Variants in ATR observed in about 807,000 individuals in gnomAD.
The protein encoded by ATR is serine/threonine-protein kinase ATR.
ATR carries 142 observed loss-of-function variants against 305.3 expected under a neutral mutation model. That is an observed-to-expected ratio of 0.47 (90% CI 0.41 to 0.53). The LOEUF (loss-of-function observed/expected upper bound fraction) is 0.53, where lower values mean the gene tolerates loss of function less well. Among genes scored for constraint, ATR ranks in the 20% least tolerant of loss-of-function variants. The pLI, the probability that ATR is intolerant of heterozygous loss-of-function variation, is 0.00. For missense variants in ATR, 2,135 were observed against 3,133.1 expected, an observed-to-expected ratio of 0.68 and a Z score of 7.60; for synonymous variants, 1,050 against 1,068.1, an observed-to-expected ratio of 0.98 and a Z score of 0.33.
chr3:142,452,119 A>C, intron 46 of ATR: 1 of 1,017,650 alleles, frequency 9.8e-7, no homozygotes, highest in Non-Finnish European at 1.2e-6. Flanking sequence ...AGAAGCAGCT[A>C]AACCTTCTTT....
At chr3:142,563,682 T>G (rs1031232155) in intron 3 of ATR, among the ~76,000 whole-genome samples, 3 of 152,136 alleles carry the variant, frequency 2.0e-5, no homozygotes, top group African/African-American at 7.2e-5. Flanking sequence ...TGTGTTCAAA[T>G]GAAAGGAAGA....
chr3:142,550,544 C>T (rs1031514430), intron 13 of ATR, among the ~76,000 whole-genome samples: 1 of 152,040 alleles, frequency 6.6e-6, no homozygotes, highest in African/African-American at 2.4e-5. Context: ...CAAATAAATT[C>T]AGTATTTTAG....
rs113824674 is a variant in ATR at position 142,560,584 on chromosome 3, A to G, written c.1350-130T>C. ...AAAAAATTTTTTTTTTTTGTGAGAC[A>G]GAGTCTCACTCTGTCTCCCAGGCTG... On this transcript the variant is annotated intron_variant, in intron 5 of 46. Coordinates refer to ENST00000350721, the MANE Select transcript of ATR (RefSeq NM_001184.4). 12,589 of 709,988 alleles carry G rather than the reference A, an allele frequency of 0.018. 183 individuals are homozygous for G. The highest frequency in any genetic ancestry group is 0.038 in the South Asian group (1,994 of 52,040). The allele number at this position is 709,988 out of a possible 1,614,324, so 44.0% of individuals were successfully genotyped here.
At chr3:142,452,951 CAATA>C (rs2070824705) in intron 46 of ATR, 173 bp downstream of exon 46, 2 of 1,469,778 alleles carry the variant, frequency 1.4e-6, no homozygotes, top group Non-Finnish European at 1.8e-6. Context: ...ACATTACTGA[CAATA>C]AAGAAAACTT....
chr3:142,514,494 C>A lies in ATR; in HGVS notation c.4504-856G>T, dbSNP rs577087046. Among the ~76,000 whole-genome samples, 189 of 151,034 alleles carry A rather than the reference C, an allele frequency of 1.3e-3. 1 individual carries two copies. The Middle Eastern group carries it at 0.021, about 17-fold the overall frequency. ...AAAAAATACAAAAAAATTAGCCGGG[C>A]GTGGTGGTGGGCACCTGTAATCCCA... On this transcript the variant is annotated intron_variant, in intron 25 of 46. Coordinates refer to ENST00000350721, the MANE Select transcript of ATR (RefSeq NM_001184.4).
chr3:142,561,488 G>C, intron 4 of ATR, 67 bp from the exon 5 acceptor site: 1 of 1,470,066 alleles, frequency 6.8e-7, no homozygotes, highest in Admixed American at 2.0e-5. Flanking sequence ...TTCATAGGCA[G>C]CAAGAATGTA....
intron 28 of ATR, among the ~76,000 whole-genome samples, chr3:142,506,924 T>C (rs1383246733): frequency 6.6e-6 from 1 of 152,160 alleles, no homozygotes; most frequent in Non-Finnish European, 1.5e-5. Context: ...TTTGAGATCA[T>C]GAACTTAAAC....
At chr3:142,457,943 A>C in intron 44 of ATR, 188 bp from the exon 45 acceptor site, 3 of 650,330 alleles carry the variant, frequency 4.6e-6, no homozygotes, top group Non-Finnish European at 7.8e-6. Flanking sequence ...TACAGAACTG[A>C]AACCATACTT....
intron 36 of ATR, among the ~76,000 whole-genome samples, chr3:142,481,447 G>A (rs775540013): frequency 5.1e-4 from 77 of 152,132 alleles, no homozygotes; most frequent in Non-Finnish European, 9.3e-4. Context: ...GTTGAATTTG[G>A]ATTACTAGTA....
intron 45 of ATR, among the ~76,000 whole-genome samples, chr3:142,455,209 A>C (rs921231330): frequency 1.1e-4 from 17 of 152,230 alleles, no homozygotes; most frequent in African/African-American, 4.1e-4. Context: ...CAATTTTTAA[A>C]AGTTAAATAT....
intron 45 of ATR, among the ~76,000 whole-genome samples, chr3:142,455,584 C>G (rs148015821): frequency 2.0e-5 from 3 of 152,182 alleles, no homozygotes; most frequent in Non-Finnish European, 4.4e-5. Flanking sequence ...CAGAATATTG[C>G]TGAAAATCAA....
chr3:142,464,608 G>A (rs2071087820), intron 41 of ATR, among the ~76,000 whole-genome samples: 2 of 152,176 alleles, frequency 1.3e-5, no homozygotes, highest in Non-Finnish European at 1.5e-5. Flanking sequence ...AATGCCAAGT[G>A]ATTTAAGCCA....
In ATR at chr3:142,531,192, G is replaced by C. The variant is rs530453580; in HGVS notation, c.3945+3888C>G. On this transcript the variant is annotated intron_variant, in intron 21 of 46. Coordinates refer to ENST00000350721, the MANE Select transcript of ATR (RefSeq NM_001184.4). Reference sequence around the variant, plus strand: ...GGGGCTACACAGAAATTCAGATGTAGGCATCCACCATTATCCTAAGACAAC... The same window carrying C: ...GGGGCTACACAGAAATTCAGATGTACGCATCCACCATTATCCTAAGACAAC... Among the ~76,000 whole-genome samples, 7 of 152,172 alleles carry C rather than the reference G, an allele frequency of 4.6e-5. No individual in the cohort carries two copies. In the South Asian group the frequency reaches 1.5e-3, roughly 32 times the overall value.
intron 32 of ATR, among the ~76,000 whole-genome samples, chr3:142,497,869 G>C (rs2031736660): frequency 6.6e-6 from 1 of 152,078 alleles, no homozygotes. Context: ...TTCTAAGAGT[G>C]ATGGAAACTT....
Position 142,496,518 on chromosome 3 carries a change from G to C in ATR, c.5741C>G (p.Pro1914Arg). 1 of 1,608,116 alleles carries C rather than the reference G, an allele frequency of 6.2e-7. No homozygotes were observed. The highest frequency in any genetic ancestry group is 8.5e-7 in the Non-Finnish European group (1 of 1,177,062). Residue 1914 changes from proline to arginine, a missense_variant and splice_region_variant, in exon 34 of 47, where the codon CCA (proline) becomes CGA (arginine). Pro to Arg is a moderately radical substitution (Grantham distance 103, BLOSUM62 -2). Transcript: ENST00000350721. The stretch of plus-strand genomic sequence containing the variant: ...TTCTCCAACCATTTCATTGTAATCT[G>C]GTCTAAAGGAAGTAACAACACATTG... ...RRALLSLNKR[P>R]DYNEMVGECW...
At chr3:142,490,996 G>A (rs544343700) in intron 35 of ATR, among the ~76,000 whole-genome samples, 10 of 151,468 alleles carry the variant, frequency 6.6e-5, no homozygotes, top group Admixed American at 2.0e-4. Flanking sequence ...CAGCTCTATT[G>A]GGATATAATT....
chr3:142,493,080 C>T, intron 35 of ATR, 52 bp downstream of exon 35: 1 of 1,586,124 alleles, frequency 6.3e-7, no homozygotes, highest in Non-Finnish European at 8.6e-7. Flanking sequence ...AGACTTAAGT[C>T]ATTTTACGTA....
At chr3:142,545,570 A>C (rs1480282597) in intron 16 of ATR, among the ~76,000 whole-genome samples, 3 of 152,180 alleles carry the variant, frequency 2.0e-5, no homozygotes, top group African/African-American at 4.8e-5. Flanking sequence ...GAAGGAATTT[A>C]ATCAGGGGAA....
At chr3:142,573,308 G>T (rs577095399) in intron 1 of ATR, among the ~76,000 whole-genome samples, 1 of 151,914 alleles carries the variant, frequency 6.6e-6, no homozygotes, top group Non-Finnish European at 1.5e-5. Context: ...TTAGCCAGGC[G>T]TGGTGGTGGG....
Sources: allele counts gnomAD v4.1 joint callset (sites outside exome capture counted in the v4.1 genomes callset), GRCh38; gene constraint gnomAD v4.1.1; transcripts MANE v1.5; gene names NCBI Gene and HGNC (gene_info 2026-07-23, HGNC 2026-07-21).